The following CACNA2D2 variants were observed in gnomAD, a reference collection of about 807,000 sequenced individuals.
The protein encoded by CACNA2D2 is calcium voltage-gated channel auxiliary subunit alpha2delta 2.
In CACNA2D2, 48 loss-of-function variants were observed where a neutral mutation model predicts 166.4. The ratio of observed to expected loss-of-function variants is 0.29; its 90% CI spans 0.23 to 0.37. CACNA2D2 has a LOEUF of 0.37. Among genes scored for constraint, CACNA2D2 ranks in the 10% least tolerant of loss-of-function variants. The pLI is 1.00. For synonymous variants in CACNA2D2, 561 were observed against 573.7 expected (o/e 0.98, Z 0.32); for missense variants, 1,122 against 1,433.0 (o/e 0.78, Z 3.50).
In CACNA2D2 at chr3:50,376,298, C is replaced by T; in HGVS notation, c.1627-110G>A. On this transcript the variant is annotated intron_variant, in intron 17 of 37. Coordinates refer to ENST00000424201, the MANE Select transcript of CACNA2D2 (RefSeq NM_006030.4). This position sits in a 1 kb window ranked among gnomAD's most constrained non-coding sequence, Gnocchi z 4.3. ...CACCGCACCGAGAGATTCTGTTTGCCTGCCTTGGGCTAAGGGCCCCCCCAT... is the reference window on the plus strand; with the variant it reads ...CACCGCACCGAGAGATTCTGTTTGCTTGCCTTGGGCTAAGGGCCCCCCCAT... The T allele has an allele frequency of 2.5e-6, 3 of 1,177,688 alleles. No individual in the cohort carries two copies. Among genetic ancestry groups the T allele is most frequent in the South Asian group, 1.4e-5 (1 of 73,246 alleles). 73.0% of individuals were successfully genotyped at this position (1,177,688 alleles called of 1,614,324 possible).
chr3:50,435,405 C>A (rs1708269308), intron 2 of CACNA2D2, among the ~76,000 whole-genome samples: 1 of 151,902 alleles, frequency 6.6e-6, no homozygotes. Flanking sequence ...CCAAGGAGGT[C>A]TGTGCCCCAA....
At chr3:50,373,259 C>T (rs1022607226) in intron 22 of CACNA2D2, among the ~76,000 whole-genome samples, 15 of 151,360 alleles carry the variant, frequency 9.9e-5, no homozygotes, top group African/African-American at 2.4e-4. Flanking sequence ...TTGCAAAAAA[C>T]GACATGAGAG....
chr3:50,434,485 TG>T, intron 2 of CACNA2D2, 56 bp from the exon 3 acceptor site: 2 of 1,265,722 alleles, frequency 1.6e-6, no homozygotes, highest in Non-Finnish European at 2.3e-6. Context: ...CCTCATGCCA[TG>T]GGCCCTGCAT....
chr3:50,468,829 C>CT (rs5848893), intron 2 of CACNA2D2, among the ~76,000 whole-genome samples: 36,651 of 133,024 alleles, frequency 0.28, 7,245 homozygotes, highest in East Asian at 0.64. Flanking sequence ...CCTTCTCTCT[C>CT]TTTTTTTTTT....
In CACNA2D2 at chr3:50,375,946, TCTC is replaced by T. The variant is rs1286168982; in HGVS notation, c.1773+14_1773+16del. The T allele has an allele frequency of 7.4e-6, 12 of 1,613,142 alleles. No individual in the cohort carries two copies. The highest frequency in any genetic ancestry group is 1.7e-5 in the Admixed American group (1 of 60,016). On this transcript the variant is annotated intron_variant, in intron 19 of 37. Coordinates refer to ENST00000424201, the MANE Select transcript of CACNA2D2 (RefSeq NM_006030.4). The surrounding 1 kb of genome is among the most constrained non-coding windows in gnomAD (Gnocchi z 4.0). ...CCTCTGCTCTGTCCCCCACCCCTGT[TCTC>T]CTCCTCTCCTTACCTCTTCCTTGTT...
intron 23 of CACNA2D2, among the ~76,000 whole-genome samples, chr3:50,369,358 T>C (rs72934815): frequency 0.031 from 4,758 of 152,306 alleles, 251 homozygotes; most frequent in African/African-American, 0.11. Context: ...TCAAGAGAGC[T>C]TCCTCAGGGT....
At chr3:50,435,642 G>T (rs1173685178) in intron 2 of CACNA2D2, among the ~76,000 whole-genome samples, 1 of 146,178 alleles carries the variant, frequency 6.8e-6, no homozygotes, top group Non-Finnish European at 1.5e-5. Context: ...CTGACAGGGG[G>T]ATGGGGTGGG....
chr3:50,500,738 G>A (rs1222593560), intron 1 of CACNA2D2, among the ~76,000 whole-genome samples: 1 of 149,748 alleles, frequency 6.7e-6, no homozygotes, highest in Non-Finnish European at 1.5e-5. Context: ...GGTAAGGTGA[G>A]ACAGCCCAAC....
chr3:50,491,272 C>T (rs1034853623), intron 1 of CACNA2D2, among the ~76,000 whole-genome samples: 2 of 152,174 alleles, frequency 1.3e-5, no homozygotes, highest in African/African-American at 2.4e-5. Flanking sequence ...GGATCCCTTT[C>T]TATGGAGGGT....
At chr3:50,429,253 G>A (rs1230863980) in intron 3 of CACNA2D2, among the ~76,000 whole-genome samples, 1 of 152,028 alleles carries the variant, frequency 6.6e-6, no homozygotes, top group Admixed American at 6.6e-5. Context: ...CCCTGGTTTT[G>A]CTGTGAGACC....
chr3:50,364,255 C>A lies in CACNA2D2; in HGVS notation c.*411G>T. 5.0e-6 allele frequency: 1 copy of A among 201,718 alleles called. No homozygotes were observed. The highest frequency in any genetic ancestry group is 1.8e-3 in the Middle Eastern group (1 of 560). The allele number at this position is 201,718 out of a possible 1,614,324, so 12.5% of individuals were successfully genotyped here. On this transcript the variant is annotated 3_prime_UTR_variant, in exon 38 of 38. Coordinates refer to ENST00000424201, the MANE Select transcript of CACNA2D2 (RefSeq NM_006030.4). ...GGCCATCTCACCTTCCTCCACTATT[C>A]TCACAGAAACCAAGTTTGGGCTTGG...
chr3:50,363,349 A>T lies in CACNA2D2; in HGVS notation c.*1317T>A. On this transcript the variant is annotated 3_prime_UTR_variant, in exon 38 of 38. Coordinates refer to ENST00000424201, the MANE Select transcript of CACNA2D2 (RefSeq NM_006030.4). ...ATCACCCTCCCCCTCCTCCCAGTCCATCTGAGCCCCATCACTATATCCCCT... is the reference window on the plus strand; with the variant it reads ...ATCACCCTCCCCCTCCTCCCAGTCCTTCTGAGCCCCATCACTATATCCCCT... The T allele has an allele frequency of 2.5e-6, 1 of 398,330 alleles. No individual in the cohort carries two copies. Among genetic ancestry groups the T allele is most frequent in the Non-Finnish European group, 4.4e-6 (1 of 225,960 alleles). The allele number at this position is 398,330 out of a possible 1,614,324, so 24.7% of individuals were successfully genotyped here.
intron 1 of CACNA2D2, among the ~76,000 whole-genome samples, chr3:50,496,443 C>A (rs1234821699): frequency 6.6e-6 from 1 of 152,206 alleles, no homozygotes; most frequent in East Asian, 1.9e-4. Context: ...CACATACAAG[C>A]TGACATGTGC....
Position 50,378,290 on chromosome 3 carries a change from G to A in CACNA2D2, c.1383C>T (p.Asn461=). ...EIPSIGAIRI[N]TQEYLDVLGR... ...GGGCCTCCCCAAGTCTCACCTGTGT[G>A]TTGATGCGGATGGCTCCGATGGAAG... The change falls in exon 14 of 38, where the codon AAC becomes AAT. Residue 461 remains asparagine (N), a synonymous_variant. Transcript: ENST00000424201. The A allele has an allele frequency of 6.4e-7, 1 of 1,553,400 alleles. No homozygotes were observed.
chr3:50,391,705 T>C (rs190284994), intron 4 of CACNA2D2, among the ~76,000 whole-genome samples: 6 of 152,214 alleles, frequency 3.9e-5, no homozygotes, highest in African/African-American at 1.4e-4. Flanking sequence ...GGATGTGGGT[T>C]ATACCATTGA....
intron 2 of CACNA2D2, among the ~76,000 whole-genome samples, chr3:50,439,980 C>G (rs1389914562): frequency 2.6e-5 from 4 of 152,340 alleles, no homozygotes; most frequent in African/African-American, 7.2e-5. Flanking sequence ...AGGGTATTGA[C>G]ATAACTGCAA....
At chr3:50,483,077 G>A (rs889276115) in intron 1 of CACNA2D2, among the ~76,000 whole-genome samples, 2 of 152,220 alleles carry the variant, frequency 1.3e-5, no homozygotes, top group African/African-American at 4.8e-5. Flanking sequence ...AAGCATGCTT[G>A]CTCAGCTGAT....
intron 22 of CACNA2D2, among the ~76,000 whole-genome samples, chr3:50,372,554 A>G (rs1224653659): frequency 6.6e-6 from 1 of 152,036 alleles, no homozygotes. Flanking sequence ...CCCTTCTTGG[A>G]GGGCTGCCAG....
At chr3:50,435,854 C>T (rs1337551798) in intron 2 of CACNA2D2, among the ~76,000 whole-genome samples, 1 of 152,158 alleles carries the variant, frequency 6.6e-6, no homozygotes, top group East Asian at 1.9e-4. Flanking sequence ...AGAGTAGTGG[C>T]AATAAGGGGG....
Sources: allele counts gnomAD v4.1 joint callset (sites outside exome capture counted in the v4.1 genomes callset), GRCh38; gene constraint gnomAD v4.1.1; non-coding constraint Gnocchi (gnomAD v3.1); transcripts MANE v1.5; gene names NCBI Gene and HGNC (gene_info 2026-07-23, HGNC 2026-07-21).